SDCCAG8: variants seen among roughly 807,000 people sequenced by gnomAD.
SDCCAG8 encodes the protein serologically defined colon cancer antigen 8.
SDCCAG8 carries 74 observed loss-of-function variants against 101.8 expected under a neutral mutation model. The ratio of observed to expected loss-of-function variants is 0.73; its 90% CI spans 0.60 to 0.88. The LOEUF (loss-of-function observed/expected upper bound fraction) is 0.88, where lower values mean the gene tolerates loss of function less well. Ranked by LOEUF, SDCCAG8 falls within the 40% of genes least tolerant of loss-of-function variation. The pLI is 0.00. For synonymous variants in SDCCAG8, 281 were observed against 292.9 expected (o/e 0.96, Z 0.41); for missense variants, 787 against 822.6 (o/e 0.96, Z 0.53).
At position 243,293,165 on chromosome 1, in the gene SDCCAG8, C is replaced by G; in HGVS notation, c.621C>G (p.Ser207=). Residue 207 remains serine, a synonymous_variant, in exon 6 of 18, where the codon TCC becomes TCG. Coordinates refer to ENST00000366541, the MANE Select transcript of SDCCAG8 (RefSeq NM_006642.5). ...GVGETSKRPF[S]HDNADFGKAA... is the part of the protein sequence containing the mutation. ...GCGAAACCTCCAAAAGACCATTTTC[C>G]CATGACAATGCAGATTTTGGCAAAG... 6.2e-7 allele frequency: 1 copy of G among 1,614,122 alleles called. No individual in the cohort carries two copies. The highest frequency in any genetic ancestry group is 8.5e-7 in the Non-Finnish European group (1 of 1,179,996).
chr1:243,307,661 T>G (rs2072289817), intron 7 of SDCCAG8: 3 of 1,179,662 alleles, frequency 2.5e-6, no homozygotes, highest in Admixed American at 4.3e-5. Flanking sequence ...GAGTTTTATT[T>G]TTGTTTTGTG....
intron 13 of SDCCAG8, among the ~76,000 whole-genome samples, chr1:243,405,646 C>T (rs1031140734): frequency 4.6e-5 from 7 of 152,058 alleles, no homozygotes; most frequent in African/African-American, 1.7e-4. Context: ...AGAAAGCAGA[C>T]ATAATTAACA....
chr1:243,294,419 A>G (rs2070584935), intron 6 of SDCCAG8, among the ~76,000 whole-genome samples: 1 of 150,952 alleles, frequency 6.6e-6, no homozygotes, highest in Non-Finnish European at 1.5e-5. Flanking sequence ...TTTGACAGAG[A>G]TTTCCTTGAA....
At chr1:243,345,802 T>G (rs1480773360) in intron 12 of SDCCAG8, among the ~76,000 whole-genome samples, 1 of 152,228 alleles carries the variant, frequency 6.6e-6, no homozygotes, top group Non-Finnish European at 1.5e-5. Context: ...ATTAGAAGTA[T>G]TTGCAGTATT....
At chr1:243,366,714 C>T (rs778697544) in intron 12 of SDCCAG8, among the ~76,000 whole-genome samples, 1 of 151,904 alleles carries the variant, frequency 6.6e-6, no homozygotes, top group Non-Finnish European at 1.5e-5. Flanking sequence ...ATTGGACTTG[C>T]ACTTGTTTTT....
At chr1:243,292,861 C>T (rs118007118) in intron 5 of SDCCAG8, among the ~76,000 whole-genome samples, 1 of 152,238 alleles carries the variant, frequency 6.6e-6, no homozygotes, top group East Asian at 1.9e-4. Flanking sequence ...TGAAATCTAG[C>T]CCTCTTTGCC....
intron 16 of SDCCAG8, among the ~76,000 whole-genome samples, chr1:243,470,426 G>A (rs779902053): frequency 2.5e-4 from 38 of 151,118 alleles, no homozygotes; most frequent in Non-Finnish European, 4.3e-4. Flanking sequence ...ACTGCTCTAA[G>A]TTACAAATGG....
At position 243,406,703 on chromosome 1, in the gene SDCCAG8, G is replaced by C. The variant is rs117117528; in HGVS notation, c.1617-8999G>C. ...GCTCCTGCCTACATCTCCAAGTCTC[G>C]TCTTTCTTCAATAATCTCCCCTCCA... On this transcript the variant is annotated intron_variant, in intron 13 of 17. Coordinates refer to ENST00000366541, the MANE Select transcript of SDCCAG8 (RefSeq NM_006642.5). 1.4e-4 allele frequency among the ~76,000 whole-genome samples: 21 copies of C among 152,100 alleles called. No homozygotes were observed. The East Asian group carries it at 3.7e-3, about 27-fold the overall frequency.
chr1:243,267,930 C>T (rs2067762514), intron 1 of SDCCAG8: 1 of 824,282 alleles, frequency 1.2e-6, no homozygotes, highest in East Asian at 2.4e-5. Context: ...TAAGGTGGGC[C>T]CAGCTGTGTA....
At chr1:243,429,448 C>G (rs2081566524) in intron 16 of SDCCAG8, among the ~76,000 whole-genome samples, 1 of 152,246 alleles carries the variant, frequency 6.6e-6, no homozygotes, top group African/African-American at 2.4e-5. Flanking sequence ...GGGGTTGATG[C>G]TCCTAACCCC....
intron 12 of SDCCAG8, among the ~76,000 whole-genome samples, chr1:243,373,219 G>A (rs530653550): frequency 6.6e-5 from 10 of 152,084 alleles, no homozygotes; most frequent in African/African-American, 2.4e-4. Flanking sequence ...AGAAGATCTG[G>A]TTCAAGGCTT....
At chr1:243,486,202 CAAAAAAAAAAAAA>C (rs57724631) in intron 16 of SDCCAG8, among the ~76,000 whole-genome samples, 10 of 61,422 alleles carry the variant, frequency 1.6e-4, no homozygotes, top group Non-Finnish European at 2.5e-4. Context: ...ACTCTGCCTC[CAAAAAAAAAAAAA>C]AAAAAAAAAA....
chr1:243,494,015 TGTG>T (rs1204171204), intron 17 of SDCCAG8, among the ~76,000 whole-genome samples: 1 of 152,136 alleles, frequency 6.6e-6, no homozygotes, highest in Non-Finnish European at 1.5e-5. Context: ...CCTAATTTAC[TGTG>T]GTCCTTCCAG....
chr1:243,331,312 T>C (rs1291487016), intron 10 of SDCCAG8, among the ~76,000 whole-genome samples: 1 of 152,214 alleles, frequency 6.6e-6, no homozygotes, highest in Non-Finnish European at 1.5e-5. Context: ...AATTGCTAAC[T>C]AGACTCGAAT....
chr1:243,303,844 G>A (rs566014434), intron 6 of SDCCAG8, among the ~76,000 whole-genome samples: 27 of 152,168 alleles, frequency 1.8e-4, no homozygotes, highest in Admixed American at 8.5e-4. Context: ...AAGCTGAGGC[G>A]GGCAGATCAC....
intron 10 of SDCCAG8, 69 bp downstream of exon 10, chr1:243,330,761 A>G: frequency 5.3e-6 from 8 of 1,514,236 alleles, no homozygotes; most frequent in South Asian, 2.3e-5. Flanking sequence ...TGATGATTCC[A>G]TAGGCTGGAG....
At chr1:243,450,068 T>C (rs1401391292) in intron 16 of SDCCAG8, among the ~76,000 whole-genome samples, 1 of 152,212 alleles carries the variant, frequency 6.6e-6, no homozygotes, top group Non-Finnish European at 1.5e-5. Context: ...TCTAGGCAGT[T>C]AGTCAGACCT....
intron 3 of SDCCAG8, 28 bp from the exon 4 acceptor site, chr1:243,274,515 G>GTATT (rs771864549): frequency 1.6e-6 from 2 of 1,257,672 alleles, no homozygotes; most frequent in South Asian, 1.2e-5. Context: ...ATGTATTTAT[G>GTATT]TATTTATTTA....
intron 12 of SDCCAG8, among the ~76,000 whole-genome samples, chr1:243,355,866 T>G (rs2076352867): frequency 6.6e-6 from 1 of 152,176 alleles, no homozygotes; most frequent in African/African-American, 2.4e-5. Context: ...CACCTCTGCC[T>G]TCCCAAGTGC....
Sources: gnomAD v4.1 joint callset for allele counts (sites outside exome capture counted in the v4.1 genomes callset) on GRCh38, gnomAD v4.1.1 for gene constraint, MANE v1.5 for transcripts, NCBI Gene and HGNC (gene_info 2026-07-23, HGNC 2026-07-21) for gene names.